The following USH1C variants were observed in gnomAD, a reference collection of about 807,000 sequenced individuals.
USH1C encodes harmonin.
In USH1C, 90 loss-of-function variants were observed where a neutral mutation model predicts 119.3. That is an observed-to-expected ratio of 0.75 (90% CI 0.64 to 0.90). The LOEUF (loss-of-function observed/expected upper bound fraction) is 0.90, where lower values mean the gene tolerates loss of function less well. Among genes scored for constraint, USH1C ranks in the 40% least tolerant of loss-of-function variants. The pLI is 0.00. For synonymous variants in USH1C, 465 were observed against 443.3 expected, an observed-to-expected ratio of 1.05 and a Z score of -0.62; for missense variants, 1,165 against 1,167.7, an observed-to-expected ratio of 1.00 and a Z score of 0.03.
At chr11:17,496,180 G>C (rs1299777544) in intron 25 of USH1C, among the ~76,000 whole-genome samples, 1 of 151,872 alleles carries the variant, frequency 6.6e-6, no homozygotes, top group South Asian at 2.1e-4. Context: ...AGGAAGGAAA[G>C]GGTGAAAGAA....
rs779265996 is a variant in USH1C at position 17,494,353 on chromosome 11, C to T, written c.2679G>A (p.Arg893=). The T allele has an allele frequency of 3.1e-6, 5 of 1,606,384 alleles. No individual in the cohort carries two copies. In the South Asian group the frequency reaches 5.6e-5, roughly 18 times the overall value. ...EPTDLLLKSK[R]GNQIHR is the part of the protein sequence containing the mutation. ...TTTCCTAACGGTGAATTTGGTTTCC[C>T]CTTTTGGACTTCAGAAGAAGGTCCT... is the stretch of plus-strand genomic sequence containing the variant. The change falls in exon 27 of 27, where the codon AGG becomes AGA. Residue 893 remains arginine (R), a synonymous_variant. Coordinates refer to ENST00000005226, the MANE Select transcript of USH1C (RefSeq NM_153676.4).
At chr11:17,528,909 C>T (rs551787436) in intron 4 of USH1C, among the ~76,000 whole-genome samples, 1 of 152,338 alleles carries the variant, frequency 6.6e-6, no homozygotes, top group Non-Finnish European at 1.5e-5. Flanking sequence ...CCCTGCAGAG[C>T]AGGAATTTGT....
At chr11:17,528,128 T>G (rs1240985450) in intron 4 of USH1C, among the ~76,000 whole-genome samples, 1 of 152,234 alleles carries the variant, frequency 6.6e-6, no homozygotes, top group African/African-American at 2.4e-5. Context: ...AACTTGTGCA[T>G]GTAAAGACAG....
chr11:17,529,227 C>T (rs1256023235), intron 4 of USH1C, among the ~76,000 whole-genome samples: 1 of 152,214 alleles, frequency 6.6e-6, no homozygotes, highest in Non-Finnish European at 1.5e-5. Context: ...CTGGAATATA[C>T]AGCAAGTTGT....
intron 23 of USH1C, among the ~76,000 whole-genome samples, chr11:17,498,603 C>G (rs1427373003): frequency 6.6e-6 from 1 of 152,224 alleles, no homozygotes; most frequent in Non-Finnish European, 1.5e-5. Context: ...GCCGGCCCTC[C>G]CTGTTGCCAG....
At position 17,540,670 on chromosome 11, in the gene USH1C, T is replaced by C. The variant is rs181277421; in HGVS notation, c.36+3602A>G. ...CCACCAAATGTGGATTCACCCTTGA[T>C]GCCTCTCTTTCTACGCTCGCAGCCA... On this transcript the variant is annotated intron_variant, in intron 1 of 26. Transcript: ENST00000005226. Among the ~76,000 whole-genome samples, 50 of 152,316 alleles carry C rather than the reference T, an allele frequency of 3.3e-4. 1 individual carries two copies. The East Asian group carries it at 8.5e-3, about 26-fold the overall frequency.
chr11:17,527,399 C>G (rs1490369208), intron 4 of USH1C, 68 bp from the exon 5 acceptor site: 2 of 1,222,192 alleles, frequency 1.6e-6, no homozygotes, highest in Non-Finnish European at 2.4e-6. Context: ...AGACTCACCA[C>G]CAGATGCTCC....
At position 17,541,110 on chromosome 11, in the gene USH1C, ACTT is replaced by A. The variant is rs561876095; in HGVS notation, c.36+3159_36+3161del. Among the ~76,000 whole-genome samples, 68 of 151,636 alleles carry A rather than the reference ACTT, an allele frequency of 4.5e-4. No homozygotes were observed. The South Asian group carries it at 0.013, about 29-fold the overall frequency. ...TGTATCTCTGTGGCTCCTTCTCCTC[ACTT>A]CTTCTAGGTCTCTGCTCAGATGTCA... On this transcript the variant is annotated intron_variant, in intron 1 of 26. Transcript: ENST00000005226.
chr11:17,517,448 C>G, intron 14 of USH1C: 1 of 1,595,834 alleles, frequency 6.3e-7, no homozygotes, highest in Non-Finnish European at 8.5e-7. Flanking sequence ...TCTGCGGGCT[C>G]GAGCTCAGGT....
rs5789990 is a variant in USH1C at position 17,526,854 on chromosome 11, CG to C, written c.522-45del. On this transcript the variant is annotated intron_variant, in intron 6 of 26. Transcript: ENST00000005226. Reference sequence around the variant, plus strand: ...AGATGGGAGGGTGGTTAGCGAGAGACGTTTGAGGAACCAGGCCCCACATCCA... The same window carrying C: ...AGATGGGAGGGTGGTTAGCGAGAGACTTTGAGGAACCAGGCCCCACATCCA... 0.32 allele frequency: 511,878 copies of C among 1,606,516 alleles called. 82,881 individuals carry two copies. The highest frequency in any genetic ancestry group is 0.51 in the East Asian group (23,037 of 44,762).
intron 14 of USH1C, among the ~76,000 whole-genome samples, chr11:17,517,834 G>A (rs1850224801): frequency 1.3e-5 from 2 of 152,204 alleles, no homozygotes; most frequent in Admixed American, 6.5e-5. Flanking sequence ...GAGGGCAAGG[G>A]GCTGCAATGG....
Position 17,531,648 on chromosome 11 carries a change from A to G in USH1C, c.105-106T>C. ...TCAGCCACTGGGCCCAGGCTTAGGA[A>G]TGGAGTAGACCACTCCTGAAAAGCC... On this transcript the variant is annotated intron_variant, in intron 2 of 26. Coordinates refer to ENST00000005226, the MANE Select transcript of USH1C (RefSeq NM_153676.4). The surrounding 1 kb of genome is among the most constrained non-coding windows in gnomAD (Gnocchi z 4.2). 1 of 1,458,062 alleles carries G rather than the reference A, an allele frequency of 6.9e-7. No individual in the cohort carries two copies. The highest frequency in any genetic ancestry group is 9.3e-7 in the Non-Finnish European group (1 of 1,069,564). The allele number at this position is 1,458,062 out of a possible 1,614,324, so 90.3% of individuals were successfully genotyped here. A position where few individuals can be genotyped will look rare whatever the true frequency, so the allele number is the denominator to read the frequency against.
chr11:17,531,402 G>C lies in USH1C; in HGVS notation c.245C>G (p.Ser82Cys), dbSNP rs769021971. The C allele has an allele frequency of 1.9e-6, 3 of 1,613,828 alleles. No individual in the cohort carries two copies. The African/African-American group carries it at 4.0e-5, about 22-fold the overall frequency. ...VEYDQLTPRR[S>C]RKLKEVRLDR... ...AGCCTGGTGGCTTCCTCTGCACCTGGAGCGCCGGGGGGTCAGCTGATCATA... is the reference window on the plus strand; with the variant it reads ...AGCCTGGTGGCTTCCTCTGCACCTGCAGCGCCGGGGGGTCAGCTGATCATA... The change falls in exon 3 of 27, where the codon TCC (serine) becomes TGC (cysteine). Residue 82 changes from serine to cysteine, a missense_variant. Coordinates refer to ENST00000005226, the MANE Select transcript of USH1C (RefSeq NM_153676.4). This position sits in a 1 kb window ranked among gnomAD's most constrained non-coding sequence, Gnocchi z 4.2.
intron 1 of USH1C, among the ~76,000 whole-genome samples, chr11:17,541,958 G>A (rs1379607290): frequency 6.6e-6 from 1 of 152,172 alleles, no homozygotes; most frequent in East Asian, 1.9e-4. Context: ...CAGTGACAGG[G>A]CTAAGATTTG....
chr11:17,523,086 C>T (rs891534384), intron 11 of USH1C, 125 bp downstream of exon 11: 27 of 1,573,458 alleles, frequency 1.7e-5, no homozygotes, highest in Non-Finnish European at 1.9e-5. Flanking sequence ...GAAGTCCTCT[C>T]GCTCTGCTCT....
At chr11:17,501,410 G>A (rs756079615) in intron 22 of USH1C, 72 bp downstream of exon 22, 3 of 1,531,774 alleles carry the variant, frequency 2.0e-6, no homozygotes, top group Middle Eastern at 1.7e-4. Context: ...GAGAGTAGAG[G>A]CAGGAGACCA....
intron 14 of USH1C, among the ~76,000 whole-genome samples, chr11:17,518,644 C>T (rs1035793392): frequency 6.6e-6 from 1 of 152,192 alleles, no homozygotes; most frequent in African/African-American, 2.4e-5. Context: ...GGTTGGGGGG[C>T]AGTCAGTCCC....
At chr11:17,506,586 T>C (rs1849657469) in intron 18 of USH1C, among the ~76,000 whole-genome samples, 1 of 152,206 alleles carries the variant, frequency 6.6e-6, no homozygotes, top group Non-Finnish European at 1.5e-5. Flanking sequence ...CTAGCTTCCT[T>C]TTCAGCCTTA....
rs56742184 is a variant in USH1C, at chr11:17,527,860, T to C, written c.388-529A>G. On this transcript the variant is annotated intron_variant, in intron 4 of 26. Transcript: ENST00000005226. ...CTCACATCACCAACACACACACACA[T>C]ATGATTTTTTTTTCCCATCATATGG... Among the ~76,000 whole-genome samples the C allele has an allele frequency of 9.1e-3, 1,388 of 152,132 alleles. 20 individuals are homozygous for C. The highest frequency in any genetic ancestry group is 0.032 in the African/African-American group (1,338 of 41,512).
Sources: gnomAD v4.1 joint callset for allele counts (sites outside exome capture counted in the v4.1 genomes callset) on GRCh38, gnomAD v4.1.1 for gene constraint, Gnocchi (gnomAD v3.1) non-coding constraint, MANE v1.5 for transcripts, NCBI Gene and HGNC (gene_info 2026-07-23, HGNC 2026-07-21) for gene names.